Variants in ADGRV1 observed in about 807,000 individuals in gnomAD.
ADGRV1 encodes adhesion G protein-coupled receptor V1.
Under a neutral mutation model 596.2 loss-of-function variants are expected in ADGRV1, and 359 were observed. That is an observed-to-expected ratio of 0.60 (90% CI 0.55 to 0.66). The LOEUF (loss-of-function observed/expected upper bound fraction) is 0.66. ADGRV1 is among the 30% of genes least tolerant of loss of function. ADGRV1 has a pLI of 0.00. For synonymous variants in ADGRV1, 2,681 were observed against 2,679.2 expected, an observed-to-expected ratio of 1.00 and a Z score of -0.02; for missense variants, 7,274 against 7,575.6, an observed-to-expected ratio of 0.96 and a Z score of 1.48.
At position 90,694,156 on chromosome 5, in the gene ADGRV1, C is replaced by T. The variant is rs1746861436; in HGVS notation, c.7400C>T (p.Thr2467Ile). ...ASEGPQCFWM[T>I]SWISPAVNNS... ...GAGGGTCCCCAGTGTTTCTGGATGA[C>T]ATCATGGATCAGCCCAGCTGTCAAC... Residue 2467 changes from threonine to isoleucine, a missense_variant, in exon 33 of 90, where the codon ACA becomes ATA. Thr to Ile is a moderately conservative substitution (Grantham distance 89). Coordinates refer to ENST00000405460, the MANE Select transcript of ADGRV1 (RefSeq NM_032119.4). 12 of 1,613,716 alleles carry T rather than the reference C, an allele frequency of 7.4e-6. No homozygotes were observed. The highest frequency in any genetic ancestry group is 9.3e-6 in the Non-Finnish European group (11 of 1,179,848).
rs1299557720 is a variant in ADGRV1, at chr5:90,679,742, T to C, written c.5524+113T>C. ...CTACTATGTGTAGGTCCTTTACATA[T>C]TTTATCTTATTAACTGTCACAGAAA... On this transcript the variant is annotated intron_variant, in intron 26 of 89. Coordinates refer to ENST00000405460, the MANE Select transcript of ADGRV1 (RefSeq NM_032119.4). 7 of 611,670 alleles carry C rather than the reference T, an allele frequency of 1.1e-5. No homozygotes were observed. The East Asian group carries it at 2.0e-4, about 17-fold the overall frequency. The allele number at this position is 611,670 out of a possible 1,614,324, so 37.9% of individuals were successfully genotyped here.
At chr5:90,647,122 A>T (rs895989916) in intron 16 of ADGRV1, among the ~76,000 whole-genome samples, 2 of 152,138 alleles carry the variant, frequency 1.3e-5, no homozygotes, top group Admixed American at 6.5e-5. Context: ...AATTAGCCTT[A>T]TGTTCAACCT....
At chr5:90,731,262 G>A (rs1001908221) in intron 50 of ADGRV1, among the ~76,000 whole-genome samples, 13 of 152,096 alleles carry the variant, frequency 8.5e-5, no homozygotes, top group African/African-American at 2.7e-4. Context: ...AAAAGAGAGC[G>A]CGAAGGGGGA....
intron 85 of ADGRV1, among the ~76,000 whole-genome samples, chr5:91,048,476 T>C (rs1396275853): frequency 1.3e-5 from 2 of 152,202 alleles, no homozygotes; most frequent in African/African-American, 2.4e-5. Context: ...CTGGAGATTT[T>C]CCAAAGAGGG....
At chr5:90,834,742 T>C (rs535222872) in intron 77 of ADGRV1, among the ~76,000 whole-genome samples, 54 of 152,134 alleles carry the variant, frequency 3.5e-4, no homozygotes, top group Non-Finnish European at 2.5e-4. Flanking sequence ...TCTCCTTCTA[T>C]CTCTCTCTTT....
chr5:90,726,653 ATGTGTGTG>A (rs55927110), intron 48 of ADGRV1, among the ~76,000 whole-genome samples: 17 of 147,690 alleles, frequency 1.2e-4, no homozygotes, highest in Middle Eastern at 3.4e-3. Context: ...CTCTCTGGGT[ATGTGTGTG>A]TGTGTGTGTG....
chr5:90,881,731 C>G (rs1769794491), intron 83 of ADGRV1, among the ~76,000 whole-genome samples: 1 of 151,586 alleles, frequency 6.6e-6, no homozygotes, highest in South Asian at 2.1e-4. Context: ...CAATGTGGGA[C>G]TTTAAAAAAA....
At chr5:90,921,680 A>C (rs1441356237) in intron 83 of ADGRV1, among the ~76,000 whole-genome samples, 1 of 152,150 alleles carries the variant, frequency 6.6e-6, no homozygotes, top group Admixed American at 6.5e-5. Flanking sequence ...GGCTACTTAA[A>C]TCACTAAATC....
chr5:91,092,136 T>C (rs1277392240), intron 86 of ADGRV1, among the ~76,000 whole-genome samples: 1 of 152,192 alleles, frequency 6.6e-6, no homozygotes, highest in African/African-American at 2.4e-5. Context: ...AGTCTTGCTC[T>C]GTCACCCAGG....
chr5:90,637,269 A>G (rs1253225302), intron 10 of ADGRV1, among the ~76,000 whole-genome samples: 1 of 152,110 alleles, frequency 6.6e-6, no homozygotes, highest in East Asian at 1.9e-4. Flanking sequence ...TTTTACCCCC[A>G]TCACTTAGGA....
chr5:91,126,458 A>C (rs1462457705), intron 87 of ADGRV1, among the ~76,000 whole-genome samples: 7 of 152,236 alleles, frequency 4.6e-5, no homozygotes, highest in African/African-American at 1.7e-4. Context: ...TAGAGGAGCT[A>C]AAATAGCTAA....
At chr5:90,561,976 A>G (rs1338889943) in intron 1 of ADGRV1, among the ~76,000 whole-genome samples, 1 of 152,166 alleles carries the variant, frequency 6.6e-6, no homozygotes, top group Non-Finnish European at 1.5e-5. Context: ...AGATAATGCA[A>G]AGTCATGCAG....
At chr5:90,971,576 C>A (rs1474534160) in intron 84 of ADGRV1, among the ~76,000 whole-genome samples, 3 of 152,146 alleles carry the variant, frequency 2.0e-5, no homozygotes, top group African/African-American at 7.2e-5. Flanking sequence ...AATTTTCAAC[C>A]CAGAATTTCA....
At chr5:90,654,318 A>G (rs1450279333) in intron 20 of ADGRV1, 2 of 259,036 alleles carry the variant, frequency 7.7e-6, no homozygotes, top group Non-Finnish European at 7.5e-6. Flanking sequence ...GAACAAAGGA[A>G]TAGAAATGTG....
At chr5:90,722,756 A>T (rs1032856947) in intron 45 of ADGRV1, among the ~76,000 whole-genome samples, 4 of 131,330 alleles carry the variant, frequency 3.0e-5, no homozygotes, top group East Asian at 2.6e-4. Context: ...AAAAAAAAAA[A>T]GGTCTCTGCT....
At chr5:90,619,221 A>G in intron 4 of ADGRV1, 40 bp downstream of exon 4, 1 of 903,020 alleles carries the variant, frequency 1.1e-6, no homozygotes, top group Non-Finnish European at 1.6e-6. Context: ...TTGCTAGATA[A>G]TAGTTTATTA....
In ADGRV1 at chr5:90,781,432, G is replaced by C; in HGVS notation, c.13085G>C (p.Gly4362Ala). ...TTTGATTTGTATGACTTTGGAAGAG[G>C]GTATGATTTTACCATTCAAGAAAAT... ...TITKVELQGRGYDFTIQENGL... is the reference protein window; with the variant it reads ...TITKVELQGRAYDFTIQENGL... Residue 4362 changes from glycine to alanine, a missense_variant and splice_region_variant, in exon 65 of 90, where the codon GGG (glycine) becomes GCG (alanine). Coordinates refer to ENST00000405460, the MANE Select transcript of ADGRV1 (RefSeq NM_032119.4). 6.3e-7 allele frequency: 1 copy of C among 1,596,078 alleles called. No individual in the cohort carries two copies. Among genetic ancestry groups the C allele is most frequent in the African/African-American group, 1.3e-5 (1 of 74,654 alleles).
intron 83 of ADGRV1, among the ~76,000 whole-genome samples, chr5:90,906,117 G>A (rs1170500523): frequency 6.6e-6 from 1 of 151,924 alleles, no homozygotes; most frequent in Non-Finnish European, 1.5e-5. Context: ...ATGTATTGTT[G>A]CATTCAGTTT....
intron 45 of ADGRV1, among the ~76,000 whole-genome samples, chr5:90,724,125 A>G (rs1751447649): frequency 6.6e-6 from 1 of 152,146 alleles, no homozygotes; most frequent in Admixed American, 6.5e-5. Flanking sequence ...ATTTCTATAA[A>G]AAGTATTTAT....
Sources: allele counts gnomAD v4.1 joint callset (sites outside exome capture counted in the v4.1 genomes callset), GRCh38; gene constraint gnomAD v4.1.1; transcripts MANE v1.5; gene names NCBI Gene and HGNC (gene_info 2026-07-23, HGNC 2026-07-21).